PCDHGA3: variants seen among roughly 807,000 people sequenced by gnomAD.
The protein encoded by PCDHGA3 is protocadherin gamma-A3.
Under a neutral mutation model 58.5 loss-of-function variants are expected in PCDHGA3, and 40 were observed. That is an observed-to-expected ratio of 0.68 (90% confidence interval 0.53 to 0.89). The LOEUF (loss-of-function observed/expected upper bound fraction) is 0.89, where lower values mean the gene tolerates loss of function less well. Among genes scored for constraint, PCDHGA3 ranks in the 40% least tolerant of loss-of-function variants. The pLI, the probability that PCDHGA3 is intolerant of heterozygous loss-of-function variation, is 0.00. For missense variants in PCDHGA3, 1,223 were observed against 1,195.9 expected (o/e 1.02, Z -0.33); for synonymous variants, 530 against 525.7 (o/e 1.01, Z -0.11).
chr5:141,455,936 C>T (rs1194722770), intron 1 of PCDHGA3, among the ~76,000 whole-genome samples: 3 of 151,422 alleles, frequency 2.0e-5, no homozygotes, highest in East Asian at 3.9e-4. Flanking sequence ...CTCGCTCTGT[C>T]GCCCAGGCTG....
chr5:141,483,833 G>A (rs964111814), intron 1 of PCDHGA3, among the ~76,000 whole-genome samples: 1 of 152,116 alleles, frequency 6.6e-6, no homozygotes, highest in Admixed American at 6.5e-5. Flanking sequence ...CCTAGGTAAG[G>A]ACTTGGTTGA....
In PCDHGA3 at chr5:141,344,102, G is replaced by A. The variant is rs373701923; in HGVS notation, c.69G>A (p.Leu23=). 20 of 1,613,832 alleles carry A rather than the reference G, an allele frequency of 1.2e-5. No individual in the cohort carries two copies. The highest frequency in any genetic ancestry group is 6.7e-5 in the East Asian group (3 of 44,892). The change falls in exon 1 of 4, where the codon CTG becomes CTA. Residue 23 remains leucine, a synonymous_variant. Transcript: ENST00000253812. ...LALLCALLGT[L]CETGSGQIRY... ...TGCTGTGCGCGCTCCTGGGGACGCT[G>A]TGCGAAACAGGATCCGGTCAGATCC...
chr5:141,485,797 C>T lies in PCDHGA3; in HGVS notation c.2425-9010C>T. 1 of 1,614,228 alleles carries T rather than the reference C, an allele frequency of 6.2e-7. No homozygotes were observed. Among genetic ancestry groups the T allele is most frequent in the South Asian group, 1.1e-5 (1 of 91,092 alleles). On this transcript the variant is annotated intron_variant, in intron 1 of 3. Coordinates refer to ENST00000253812, the MANE Select transcript of PCDHGA3 (RefSeq NM_018916.4). This position sits in a 1 kb window ranked among gnomAD's most constrained non-coding sequence, Gnocchi z 5.7. ...TGGATCGAGAGAAGCAATCGGACTACCGCCTGGTGCTGACTGCTGTCGATG... is the reference window on the plus strand; with the variant it reads ...TGGATCGAGAGAAGCAATCGGACTATCGCCTGGTGCTGACTGCTGTCGATG...
At chr5:141,394,592 G>T (rs754585576) in intron 1 of PCDHGA3, 1 of 1,613,760 alleles carries the variant, frequency 6.2e-7, no homozygotes, top group Non-Finnish European at 8.5e-7. Flanking sequence ...AGGTGGTGGC[G>T]GTGGACAGAG....
chr5:141,491,148 G>A lies in PCDHGA3; in HGVS notation c.2425-3659G>A. The A allele has an allele frequency of 6.8e-6, 11 of 1,614,140 alleles. No homozygotes were observed. The highest frequency in any genetic ancestry group is 9.3e-6 in the Non-Finnish European group (11 of 1,179,990). The stretch of plus-strand genomic sequence containing the variant: ...TGCGCACAGCCCGGGCCTTACTGGA[G>A]GATGACTCTGACACCCAGCAGGTGG... On this transcript the variant is annotated intron_variant, in intron 1 of 3. Transcript: ENST00000253812. The surrounding 1 kb of genome is among the most constrained non-coding windows in gnomAD (Gnocchi z 6.9).
rs759737266 is a variant in PCDHGA3 at position 141,489,464 on chromosome 5, T to A, written c.2425-5343T>A. 5 of 1,614,030 alleles carry A rather than the reference T, an allele frequency of 3.1e-6. No homozygotes were observed. In the South Asian group the frequency reaches 3.3e-5, roughly 11 times the overall value. On this transcript the variant is annotated intron_variant, in intron 1 of 3. Transcript: ENST00000253812. The surrounding 1 kb of genome is among the most constrained non-coding windows in gnomAD (Gnocchi z 4.5). ...GGCTCTGAGGAGAATGGGCGCTATT[T>A]TTCCCTGAGCTTGATGAGTGGTGCC...
At position 141,489,474 on chromosome 5, in the gene PCDHGA3, C is replaced by T. The variant is rs772297075; in HGVS notation, c.2425-5333C>T. On this transcript the variant is annotated intron_variant, in intron 1 of 3. Transcript: ENST00000253812. The surrounding 1 kb of genome is among the most constrained non-coding windows in gnomAD (Gnocchi z 4.5). ...AGAATGGGCGCTATTTTTCCCTGAG[C>T]TTGATGAGTGGTGCCCTGGCAGTGA... 6.2e-7 allele frequency: 1 copy of T among 1,614,108 alleles called. No individual in the cohort carries two copies. The highest frequency in any genetic ancestry group is 8.5e-7 in the Non-Finnish European group (1 of 1,180,034).
chr5:141,444,463 G>A (rs570185430), intron 1 of PCDHGA3, among the ~76,000 whole-genome samples: 10 of 152,026 alleles, frequency 6.6e-5, no homozygotes, highest in Admixed American at 1.3e-4. Context: ...GAGTCACTGC[G>A]CCCGGTCGCG....
At chr5:141,360,835 G>A in intron 1 of PCDHGA3, 3 of 1,613,956 alleles carry the variant, frequency 1.9e-6, no homozygotes, top group Non-Finnish European at 2.5e-6. Context: ...CAAAGTCACG[G>A]ATGCCAACGA....
At chr5:141,423,427 G>T (rs2096739583) in intron 1 of PCDHGA3, 1 of 1,613,892 alleles carries the variant, frequency 6.2e-7, no homozygotes, top group Non-Finnish European at 8.5e-7. Flanking sequence ...AGGCGGGTTG[G>T]CAGGTATGCC....
At chr5:141,466,898 A>G (rs1029507733) in intron 1 of PCDHGA3, among the ~76,000 whole-genome samples, 1 of 152,170 alleles carries the variant, frequency 6.6e-6, no homozygotes, top group African/African-American at 2.4e-5. Context: ...TTTTCCATGA[A>G]GTTTTTGAAA....
intron 1 of PCDHGA3, among the ~76,000 whole-genome samples, chr5:141,453,673 AC>A (rs1459216908): frequency 6.6e-6 from 1 of 152,230 alleles, no homozygotes; most frequent in African/African-American, 2.4e-5. Flanking sequence ...ACAAAAGGTA[AC>A]ACACTATGTA....
chr5:141,476,036 A>G lies in PCDHGA3; in HGVS notation c.2425-18771A>G. The G allele has an allele frequency of 1.4e-6, 2 of 1,471,164 alleles. No individual in the cohort carries two copies. Among genetic ancestry groups the G allele is most frequent in the Non-Finnish European group, 1.8e-6 (2 of 1,106,602 alleles). 91.1% of individuals were successfully genotyped at this position (1,471,164 alleles called of 1,614,324 possible). ...ATGTCGGACTCGGCGCCCAGCGCCCAAGCGCTAACCCGCTGAAAGTTTCTC... is the reference window on the plus strand; with the variant it reads ...ATGTCGGACTCGGCGCCCAGCGCCCGAGCGCTAACCCGCTGAAAGTTTCTC... On this transcript the variant is annotated intron_variant, in intron 1 of 3. Transcript: ENST00000253812. The surrounding 1 kb of genome is among the most constrained non-coding windows in gnomAD (Gnocchi z 7.6).
rs1317699369 is a variant in PCDHGA3 at position 141,477,408 on chromosome 5, A to G, written c.2425-17399A>G. The G allele has an allele frequency of 6.2e-7, 1 of 1,614,098 alleles. No homozygotes were observed. ...TACAACCTCAGCATCACCGCCCGAG[A>G]CGCCGGAACCCCTTCCCTCTCAGCC... On this transcript the variant is annotated intron_variant, in intron 1 of 3. Transcript: ENST00000253812. This position sits in a 1 kb window ranked among gnomAD's most constrained non-coding sequence, Gnocchi z 4.9.
chr5:141,372,588 T>G lies in PCDHGA3; in HGVS notation c.2424+26131T>G, dbSNP rs781493035. 9.3e-6 allele frequency: 15 copies of G among 1,613,932 alleles called. No individual in the cohort carries two copies. The South Asian group carries it at 1.2e-4, about 13-fold the overall frequency. ...TGAGGGCTACTTTCAGCCTGGTGTC[T>G]GCTTCAAGACTGTACCTGGAGTTCT... On this transcript the variant is annotated intron_variant, in intron 1 of 3. Transcript: ENST00000253812.
At chr5:141,376,280 G>A (rs1366103411) in intron 1 of PCDHGA3, 4 of 1,614,226 alleles carry the variant, frequency 2.5e-6, no homozygotes, top group Admixed American at 1.7e-5. Context: ...AGGTGGCTTA[G>A]CGAGCATGCC....
chr5:141,490,896 G>C lies in PCDHGA3; in HGVS notation c.2425-3911G>C. The stretch of plus-strand genomic sequence containing the variant: ...TGCATGCCAACACATCTCTGCATGT[G>C]TTTGTCCTAGACGAGAATGATAATG... On this transcript the variant is annotated intron_variant, in intron 1 of 3. Coordinates refer to ENST00000253812, the MANE Select transcript of PCDHGA3 (RefSeq NM_018916.4). This position sits in a 1 kb window ranked among gnomAD's most constrained non-coding sequence, Gnocchi z 5.4. 2.5e-6 allele frequency: 4 copies of C among 1,613,938 alleles called. No homozygotes were observed. The highest frequency in any genetic ancestry group is 3.4e-6 in the Non-Finnish European group (4 of 1,179,922).
chr5:141,478,186 C>T, intron 1 of PCDHGA3: 2 of 1,614,016 alleles, frequency 1.2e-6, no homozygotes, highest in Non-Finnish European at 1.7e-6. Context: ...AAAAAAATCT[C>T]ACCTTTTATC....
chr5:141,478,326 C>T, intron 1 of PCDHGA3: 1 of 1,613,950 alleles, frequency 6.2e-7, no homozygotes, highest in Admixed American at 1.7e-5. Flanking sequence ...CTGTACCGAA[C>T]ACCAGGGCCC....
Sources: gnomAD v4.1 joint callset for allele counts (sites outside exome capture counted in the v4.1 genomes callset) on GRCh38, gnomAD v4.1.1 for gene constraint, Gnocchi (gnomAD v3.1) non-coding constraint, MANE v1.5 for transcripts, NCBI Gene and HGNC (gene_info 2026-07-23, HGNC 2026-07-21) for gene names.